The following UGT1A5 variants were observed in gnomAD, a reference collection of about 807,000 sequenced individuals.
UGT1A5 encodes the protein UDP-glucuronosyltransferase 1A5.
UGT1A5 carries 29 observed loss-of-function variants against 40.3 expected under a neutral mutation model. The observed-to-expected ratio is 0.72, with a 90% CI of 0.54 to 0.98. UGT1A5 has a LOEUF of 0.98. Among genes scored for constraint, UGT1A5 ranks in the 50% least tolerant of loss-of-function variants. The pLI, the probability that UGT1A5 is intolerant of heterozygous loss-of-function variation, is 0.00. For synonymous variants in UGT1A5, 257 were observed against 262.5 expected (o/e 0.98, Z 0.20); for missense variants, 678 against 677.9 (o/e 1.00, Z 0.00).
chr2:233,717,406 G>A (rs1313287999), intron 1 of UGT1A5, among the ~76,000 whole-genome samples: 2 of 152,170 alleles, frequency 1.3e-5, no homozygotes, highest in African/African-American at 4.8e-5. Flanking sequence ...TCCTGCATAT[G>A]CCTCCCTTGA....
intron 1 of UGT1A5, among the ~76,000 whole-genome samples, chr2:233,734,275 T>G (rs2078506327): frequency 6.6e-6 from 1 of 152,188 alleles, no homozygotes; most frequent in Non-Finnish European, 1.5e-5. Context: ...GTCCAGGAAT[T>G]TATCCATTTC....
chr2:233,751,941 T>C (rs1479720548), intron 1 of UGT1A5, among the ~76,000 whole-genome samples: 1 of 152,170 alleles, frequency 6.6e-6, no homozygotes, highest in South Asian at 2.1e-4. Context: ...GAAGTTATAC[T>C]GAAAGGGTTT....
At chr2:233,747,184 G>A in intron 1 of UGT1A5, 1 of 1,602,858 alleles carries the variant, frequency 6.2e-7, no homozygotes, top group Non-Finnish European at 8.5e-7. Flanking sequence ...GCGTGGGGTG[G>A]ACAGTCAGCT....
chr2:233,719,749 T>G, intron 1 of UGT1A5: 1 of 1,612,804 alleles, frequency 6.2e-7, no homozygotes, highest in South Asian at 1.1e-5. Flanking sequence ...AAAAATGTAT[T>G]TACTTACAAG....
chr2:233,755,356 C>A (rs1290050168), intron 1 of UGT1A5: 4 of 377,426 alleles, frequency 1.1e-5, no homozygotes, highest in Admixed American at 3.8e-5. Flanking sequence ...GCTTGGCGAC[C>A]TGGGCCGCCT....
At chr2:233,740,403 G>A (rs1262585608) in intron 1 of UGT1A5, among the ~76,000 whole-genome samples, 1 of 151,904 alleles carries the variant, frequency 6.6e-6, no homozygotes, top group Non-Finnish European at 1.5e-5. Context: ...TCCCAAAATG[G>A]GGAAGTCTCT....
intron 1 of UGT1A5, chr2:233,729,250 C>T (rs749759024): frequency 1.9e-6 from 3 of 1,614,224 alleles, no homozygotes; most frequent in South Asian, 1.1e-5. Flanking sequence ...CAGCCACTGG[C>T]TCAGCATGCG....
intron 1 of UGT1A5, chr2:233,761,265 G>A (rs1265780323): frequency 1.3e-6 from 2 of 1,595,780 alleles, no homozygotes; most frequent in Non-Finnish European, 8.6e-7. Flanking sequence ...AATTTAAAAT[G>A]CCCTCTTTTG....
At chr2:233,771,047 T>C (rs1700228624) in intron 4 of UGT1A5, 1 of 152,132 alleles carries the variant, frequency 6.6e-6, no homozygotes, top group South Asian at 2.1e-4. Flanking sequence ...TGCCACACAC[T>C]TTTTAATGAC....
At chr2:233,729,013 C>A in intron 1 of UGT1A5, 1 of 1,586,512 alleles carries the variant, frequency 6.3e-7, no homozygotes, top group Non-Finnish European at 8.6e-7. Context: ...CTCTGTCTTC[C>A]AATTACACGT....
At chr2:233,747,134 C>G (rs1693570015) in intron 1 of UGT1A5, 6 of 1,538,798 alleles carry the variant, frequency 3.9e-6, no homozygotes, top group Non-Finnish European at 5.3e-6. Flanking sequence ...GGCTCAGTGA[C>G]AAGGTAATTA....
chr2:233,746,871 T>C (rs1693501074), intron 1 of UGT1A5, among the ~76,000 whole-genome samples: 1 of 151,612 alleles, frequency 6.6e-6, no homozygotes, highest in Admixed American at 6.5e-5. Flanking sequence ...CTGATAAACG[T>C]GGTTAACAGA....
chr2:233,719,308 A>C, intron 1 of UGT1A5: 1 of 1,613,974 alleles, frequency 6.2e-7, no homozygotes, highest in Non-Finnish European at 8.5e-7. Context: ...GTGCTGGCTA[A>C]GTACCTGTCG....
At position 233,760,976 on chromosome 2, in the gene UGT1A5, A is replaced by G. The variant is rs754922685; in HGVS notation, c.868-6058A>G. 3 of 1,614,218 alleles carry G rather than the reference A, an allele frequency of 1.9e-6. No individual in the cohort carries two copies. The South Asian group carries it at 3.3e-5, about 18-fold the overall frequency. On this transcript the variant is annotated intron_variant, in intron 1 of 4. Transcript: ENST00000373414. The stretch of plus-strand genomic sequence containing the variant: ...CTGTGCGACGTGGTTTATTCCCCGT[A>G]TGCAACCCTTGCCTCAGAATTCCTT...
chr2:233,760,883 C>G lies in UGT1A5; in HGVS notation c.868-6151C>G, dbSNP rs550460320. On this transcript the variant is annotated intron_variant, in intron 1 of 4. Coordinates refer to ENST00000373414, the MANE Select transcript of UGT1A5 (RefSeq NM_019078.2). ...TCCTACGTGCCCAGGCCTCTCTCCT[C>G]TCATTCAGATCACATGACCTTCCTG... 4 of 1,614,168 alleles carry G rather than the reference C, an allele frequency of 2.5e-6. No individual in the cohort carries two copies. The East Asian group carries it at 6.7e-5, about 27-fold the overall frequency.
In UGT1A5 at chr2:233,726,943, A is replaced by T. The variant is rs548004940; in HGVS notation, c.867+13085A>T. On this transcript the variant is annotated intron_variant, in intron 1 of 4. Coordinates refer to ENST00000373414, the MANE Select transcript of UGT1A5 (RefSeq NM_019078.2). Reference sequence around the variant, plus strand: ...GATCTTCCTTTTTTCATTTTTAAAAAACAATACCTTTCAAAGAGCAAAAGT... The same window carrying T: ...GATCTTCCTTTTTTCATTTTTAAAATACAATACCTTTCAAAGAGCAAAAGT... Among the ~76,000 whole-genome samples the T allele has an allele frequency of 5.9e-5, 9 of 152,338 alleles. No individual in the cohort carries two copies. The South Asian group carries it at 1.9e-3, about 32-fold the overall frequency.
At chr2:233,762,023 TA>T (rs1176936322) in intron 1 of UGT1A5, among the ~76,000 whole-genome samples, 2 of 152,334 alleles carry the variant, frequency 1.3e-5, no homozygotes, top group Non-Finnish European at 2.9e-5. Flanking sequence ...ATTTGTATTT[TA>T]TTTTTTTTAA....
At chr2:233,730,753 G>T (rs115158591) in intron 1 of UGT1A5, among the ~76,000 whole-genome samples, 5 of 152,244 alleles carry the variant, frequency 3.3e-5, no homozygotes, top group African/African-American at 1.2e-4. Flanking sequence ...GAGGAGATAA[G>T]ACTGTGAATC....
rs1254411333 is a variant in UGT1A5 at position 233,772,451 on chromosome 2, C to T, written c.1497C>T (p.Val499=). ...SLDVIGFLLA[V]VLTVAFITFK... The stretch of plus-strand genomic sequence containing the variant: ...ACGTGATTGGTTTCCTCTTGGCCGT[C>T]GTGCTGACAGTGGCCTTCATCACCT... The change falls in exon 5 of 5, where the codon GTC becomes GTT. Residue 499 remains valine (V), a synonymous_variant. Transcript: ENST00000373414. 9 of 1,614,028 alleles carry T rather than the reference C, an allele frequency of 5.6e-6. No homozygotes were observed. The highest frequency in any genetic ancestry group is 1.1e-5 in the South Asian group (1 of 91,086).
Sources: allele counts gnomAD v4.1 joint callset (sites outside exome capture counted in the v4.1 genomes callset), GRCh38; gene constraint gnomAD v4.1.1; transcripts MANE v1.5; gene names NCBI Gene and HGNC (gene_info 2026-07-23, HGNC 2026-07-21).